The following STAG1 variants were observed in gnomAD, a reference collection of about 807,000 sequenced individuals.
The protein encoded by STAG1 is STAG1 cohesin complex component, also known as cohesin subunit SA-1.
In STAG1, 26 loss-of-function variants were observed where a neutral mutation model predicts 170.9. That is an observed-to-expected ratio of 0.15 (90% CI 0.11 to 0.21). The LOEUF is 0.21. Among genes scored for constraint, STAG1 ranks in the 10% least tolerant of loss-of-function variants. The pLI, the probability that STAG1 is intolerant of heterozygous loss-of-function variation, is 1.00. For synonymous variants in STAG1, 514 were observed against 497.7 expected (o/e 1.03, Z -0.44); for missense variants, 964 against 1,509.5 (o/e 0.64, Z 5.99).
intron 4 of STAG1, among the ~76,000 whole-genome samples, chr3:136,588,446 TC>T (rs904226437): frequency 4.6e-5 from 7 of 152,046 alleles, no homozygotes; most frequent in African/African-American, 1.4e-4. Context: ...ATTCAGGCAA[TC>T]CTCCTGCCTC....
At chr3:136,347,081 T>TAA (rs57595953) in intron 29 of STAG1, among the ~76,000 whole-genome samples, 23 of 118,214 alleles carry the variant, frequency 1.9e-4, no homozygotes, top group Non-Finnish European at 2.8e-4. Context: ...CCTGTCTCAT[T>TAA]AAAAAAAAAA....
At chr3:136,363,720 G>A (rs1024892511) in intron 25 of STAG1, among the ~76,000 whole-genome samples, 12 of 152,130 alleles carry the variant, frequency 7.9e-5, no homozygotes, top group African/African-American at 2.7e-4. Context: ...AACCAAAAAA[G>A]CTGGGAATTC....
chr3:136,459,318 T>C (rs1163061968), intron 13 of STAG1, among the ~76,000 whole-genome samples: 1 of 151,838 alleles, frequency 6.6e-6, no homozygotes. Flanking sequence ...GATATAACAA[T>C]TATAAATATC....
intron 9 of STAG1, 95 bp from the exon 10 acceptor site, chr3:136,477,507 G>A (rs570280380): frequency 8.6e-7 from 1 of 1,165,196 alleles, no homozygotes. Flanking sequence ...TTCTAATGCT[G>A]TTTGTATATA....
intron 9 of STAG1, among the ~76,000 whole-genome samples, chr3:136,493,564 A>C (rs2090160079): frequency 6.8e-6 from 1 of 148,060 alleles, no homozygotes; most frequent in Non-Finnish European, 1.5e-5. Context: ...CTGAGGCGGG[A>C]GTACTGCTTG....
chr3:136,699,804 G>A (rs1013471044), intron 1 of STAG1, among the ~76,000 whole-genome samples: 3 of 151,850 alleles, frequency 2.0e-5, no homozygotes, highest in Non-Finnish European at 4.4e-5. Context: ...CAAATCACTA[G>A]GTTGATGACA....
intron 3 of STAG1, among the ~76,000 whole-genome samples, chr3:136,621,835 T>A (rs1322921011): frequency 6.6e-6 from 1 of 151,968 alleles, no homozygotes; most frequent in African/African-American, 2.4e-5. Context: ...AACATAACCA[T>A]CAGTTGCAGG....
intron 4 of STAG1, among the ~76,000 whole-genome samples, chr3:136,591,812 G>A (rs550832343): frequency 6.6e-6 from 1 of 152,204 alleles, no homozygotes; most frequent in East Asian, 1.9e-4. Flanking sequence ...CCTTTAAAAG[G>A]TATCCCATCA....
chr3:136,544,236 TCATA>T (rs1936041236), intron 5 of STAG1, among the ~76,000 whole-genome samples: 1 of 152,160 alleles, frequency 6.6e-6, no homozygotes. Context: ...TTTCTTATCC[TCATA>T]TATATGAACC....
At chr3:136,585,617 T>C (rs530960198) in intron 4 of STAG1, among the ~76,000 whole-genome samples, 2 of 151,174 alleles carry the variant, frequency 1.3e-5, no homozygotes, top group African/African-American at 2.4e-5. Flanking sequence ...ATAATAATAA[T>C]AAAAAAATAA....
intron 1 of STAG1, among the ~76,000 whole-genome samples, chr3:136,653,359 T>C (rs1013842041): frequency 1.6e-4 from 25 of 152,148 alleles, no homozygotes; most frequent in African/African-American, 6.0e-4. Flanking sequence ...TTGATTGTAT[T>C]AAAATACGTT....
chr3:136,704,402 G>T (rs962170228), intron 1 of STAG1, among the ~76,000 whole-genome samples: 4 of 151,968 alleles, frequency 2.6e-5, no homozygotes, highest in African/African-American at 9.7e-5. Flanking sequence ...ATTCACTTTA[G>T]CCTCAAAGAC....
intron 1 of STAG1, among the ~76,000 whole-genome samples, chr3:136,715,220 T>C (rs1171934889): frequency 1.4e-4 from 21 of 149,512 alleles, no homozygotes; most frequent in Non-Finnish European, 3.1e-4. Context: ...GCTATGTTAC[T>C]CAAGCTAGTC....
chr3:136,463,211 C>T (rs11715257), intron 13 of STAG1, among the ~76,000 whole-genome samples: 117,369 of 152,108 alleles, frequency 0.77, 45,354 homozygotes, highest in East Asian at 0.86. Context: ...CTCTTCATTT[C>T]CTTTGCCAGC....
chr3:136,392,612 A>G (rs2087037895), intron 22 of STAG1, among the ~76,000 whole-genome samples: 1 of 152,038 alleles, frequency 6.6e-6, no homozygotes, highest in Admixed American at 6.6e-5. Flanking sequence ...TAAAAATACA[A>G]AAAGTCAGCC....
chr3:136,603,490 A>G (rs1426979565), intron 4 of STAG1, among the ~76,000 whole-genome samples: 1 of 152,240 alleles, frequency 6.6e-6, no homozygotes, highest in Non-Finnish European at 1.5e-5. Context: ...TATACACACT[A>G]AAGAAAAATA....
intron 1 of STAG1, among the ~76,000 whole-genome samples, chr3:136,691,695 A>G (rs1343306742): frequency 2.0e-5 from 3 of 152,226 alleles, no homozygotes; most frequent in South Asian, 4.1e-4. Context: ...GATGGCCCAG[A>G]TATTTAACTT....
At chr3:136,485,195 C>T (rs1576518230) in intron 9 of STAG1, among the ~76,000 whole-genome samples, 1 of 152,118 alleles carries the variant, frequency 6.6e-6, no homozygotes, top group South Asian at 2.1e-4. Context: ...CAGTGGCTCA[C>T]GCCTGTAATC....
chr3:136,734,580 G>A (rs545404100), intron 1 of STAG1, among the ~76,000 whole-genome samples: 1 of 152,270 alleles, frequency 6.6e-6, no homozygotes, highest in African/African-American at 2.4e-5. Context: ...CTATTGTTAC[G>A]TGGGGCAGCA....
Sources: allele counts gnomAD v4.1 joint callset (sites outside exome capture counted in the v4.1 genomes callset), GRCh38; gene constraint gnomAD v4.1.1; transcripts MANE v1.5; gene names NCBI Gene and HGNC (gene_info 2026-07-23, HGNC 2026-07-21).